Variants in VPS53 observed in about 807,000 individuals in gnomAD.
The protein encoded by VPS53 is VPS53 subunit of GARP complex, also known as vacuolar protein sorting-associated protein 53 homolog.
A neutral mutation model predicts 107.0 loss-of-function variants in VPS53; 70 were observed. That is an observed-to-expected ratio of 0.65 (90% CI 0.54 to 0.80). The LOEUF (loss-of-function observed/expected upper bound fraction) is 0.80, where lower values mean the gene tolerates loss of function less well. Ranked by LOEUF, VPS53 falls within the 30% of genes least tolerant of loss-of-function variation. VPS53 has a pLI of 0.00. For missense variants in VPS53, 917 were observed against 1,049.4 expected (o/e 0.87, Z 1.74); for synonymous variants, 409 against 393.3 (o/e 1.04, Z -0.47).
chr17:604,987 CAGTG>C (rs894835052), intron 11 of VPS53, among the ~76,000 whole-genome samples: 1 of 152,112 alleles, frequency 6.6e-6, no homozygotes, highest in Admixed American at 6.5e-5. Flanking sequence ...GTCACACAAA[CAGTG>C]AGAAGGGCCA....
At chr17:709,216 C>T (rs564714937) in intron 2 of VPS53, among the ~76,000 whole-genome samples, 6 of 126,858 alleles carry the variant, frequency 4.7e-5, no homozygotes, top group East Asian at 1.9e-4. Context: ...CCTGGTATCA[C>T]GGCGCAGCAC....
At chr17:529,204 C>T (rs1206183566) in intron 19 of VPS53, among the ~76,000 whole-genome samples, 1 of 152,198 alleles carries the variant, frequency 6.6e-6, no homozygotes, top group East Asian at 1.9e-4. Context: ...GTCTATCCCT[C>T]AGCTCAGATC....
intron 6 of VPS53, among the ~76,000 whole-genome samples, chr17:654,750 A>G (rs886139174): frequency 2.7e-5 from 4 of 148,824 alleles, no homozygotes; most frequent in Admixed American, 6.9e-5. Context: ...AAAAAAAAAA[A>G]AAAAGAAAAA....
intron 12 of VPS53, among the ~76,000 whole-genome samples, chr17:589,579 C>T (rs2143001783): frequency 6.6e-6 from 1 of 152,118 alleles, no homozygotes; most frequent in Non-Finnish European, 1.5e-5. Context: ...TTAGGAGCTC[C>T]TTGTAACTTT....
At chr17:674,989 A>C (rs1972097555) in intron 4 of VPS53, 1 of 152,246 alleles carries the variant, frequency 6.6e-6, no homozygotes. Flanking sequence ...ATATTTTGCA[A>C]GGTAAACATT....
At chr17:564,897 A>G (rs2151856124) in intron 13 of VPS53, among the ~76,000 whole-genome samples, 1 of 152,316 alleles carries the variant, frequency 6.6e-6, no homozygotes, top group African/African-American at 2.4e-5. Flanking sequence ...TGCTGCCTGC[A>G]CAGCTGTGCT....
chr17:644,671 C>A (rs1485068133), intron 7 of VPS53, among the ~76,000 whole-genome samples: 3 of 152,018 alleles, frequency 2.0e-5, no homozygotes, highest in Non-Finnish European at 2.9e-5. Context: ...GCAGCCTCCA[C>A]TTCCGGAGCT....
intron 1 of VPS53, among the ~76,000 whole-genome samples, chr17:712,656 C>G (rs574261126): frequency 6.6e-6 from 1 of 152,222 alleles, no homozygotes; most frequent in South Asian, 2.1e-4. Flanking sequence ...ATAATGATGT[C>G]TGAATTCTGC....
intron 13 of VPS53, among the ~76,000 whole-genome samples, chr17:564,417 G>C (rs969390471): frequency 6.6e-6 from 1 of 152,034 alleles, no homozygotes; most frequent in Non-Finnish European, 1.5e-5. Flanking sequence ...GCGGGTGCCC[G>C]TAGTCCCAGC....
intron 7 of VPS53, among the ~76,000 whole-genome samples, chr17:646,997 C>T (rs1451603726): frequency 1.3e-5 from 2 of 152,236 alleles, no homozygotes; most frequent in African/African-American, 2.4e-5. Flanking sequence ...GCCCCCCGCA[C>T]TTAAAATCTT....
chr17:573,134 G>C (rs1044890139), intron 13 of VPS53, among the ~76,000 whole-genome samples: 3 of 152,228 alleles, frequency 2.0e-5, no homozygotes, highest in Admixed American at 1.3e-4. Flanking sequence ...AGTTATTAGA[G>C]GGAACTCAGG....
intron 7 of VPS53, among the ~76,000 whole-genome samples, chr17:636,681 G>A (rs1970210403): frequency 1.3e-5 from 2 of 152,180 alleles, no homozygotes; most frequent in South Asian, 4.1e-4. Flanking sequence ...TAATCATGTG[G>A]TTTTTGTCTT....
chr17:569,764 C>G (rs746239755), intron 13 of VPS53, among the ~76,000 whole-genome samples: 32 of 151,490 alleles, frequency 2.1e-4, no homozygotes, highest in Non-Finnish European at 4.6e-4. Flanking sequence ...ACTAAAAATA[C>G]AAAAAAATTA....
Position 697,489 on chromosome 17 carries a change from C to T in VPS53, c.219-5G>A. ...CGAATATTGTCATCCAGTCTCCTAG[C>T]AAAACAGTTCAAGGATACAGTCATT... On this transcript the variant is annotated splice_polypyrimidine_tract_variant and splice_region_variant and intron_variant, in intron 3 of 21. Transcript: ENST00000437048. 2 of 1,609,978 alleles carry T rather than the reference C, an allele frequency of 1.2e-6. No homozygotes were observed. Among genetic ancestry groups the T allele is most frequent in the Non-Finnish European group, 1.7e-6 (2 of 1,176,316 alleles).
chr17:604,729 C>G (rs1003430036), intron 11 of VPS53, among the ~76,000 whole-genome samples: 1 of 152,224 alleles, frequency 6.6e-6, no homozygotes, highest in African/African-American at 2.4e-5. Context: ...CAGGCGTGAG[C>G]CACCATGCCC....
intron 13 of VPS53, among the ~76,000 whole-genome samples, chr17:566,830 G>A (rs1358126415): frequency 6.6e-6 from 1 of 151,802 alleles, no homozygotes; most frequent in Non-Finnish European, 1.5e-5. Context: ...TGCAACCTCT[G>A]CCTCCCGGGT....
At chr17:669,361 C>A (rs979357674) in intron 4 of VPS53, among the ~76,000 whole-genome samples, 1 of 151,892 alleles carries the variant, frequency 6.6e-6, no homozygotes, top group Non-Finnish European at 1.5e-5. Context: ...GCAAGGCTGA[C>A]GGTGGATTAC....
At chr17:654,736 C>T (rs79256188) in intron 6 of VPS53, among the ~76,000 whole-genome samples, 7 of 67,534 alleles carry the variant, frequency 1.0e-4, no homozygotes, top group Admixed American at 8.5e-4. Context: ...GACTCCAACT[C>T]AAAAAAAAAA....
At chr17:688,409 G>T (rs1272754840) in intron 4 of VPS53, among the ~76,000 whole-genome samples, 2 of 152,196 alleles carry the variant, frequency 1.3e-5, no homozygotes, top group Non-Finnish European at 2.9e-5. Context: ...GCAGAAATGT[G>T]AGTCAATTAA....
Sources: allele counts gnomAD v4.1 joint callset (sites outside exome capture counted in the v4.1 genomes callset), GRCh38; gene constraint gnomAD v4.1.1; transcripts MANE v1.5; gene names NCBI Gene and HGNC (gene_info 2026-07-23, HGNC 2026-07-21).